NTN1: variants seen among roughly 807,000 people sequenced by gnomAD.
NTN1 encodes netrin 1, also known as netrin-1.
In NTN1, 11 loss-of-function variants were observed where a neutral mutation model predicts 54.2. The ratio of observed to expected loss-of-function variants is 0.20; its 90% CI spans 0.13 to 0.34. The LOEUF is 0.34. Among genes scored for constraint, NTN1 ranks in the 10% least tolerant of loss-of-function variants. The probability of loss-of-function intolerance (pLI) is 1.00; values close to 1 mark genes in which losing one functional copy is unlikely to be tolerated. For synonymous variants in NTN1, 371 were observed against 382.0 expected (o/e 0.97, Z 0.33); for missense variants, 740 against 893.1 (o/e 0.83, Z 2.18).
chr17:9,103,786 A>G (rs953524430), intron 2 of NTN1, among the ~76,000 whole-genome samples: 2 of 152,048 alleles, frequency 1.3e-5, no homozygotes, highest in African/African-American at 2.4e-5. Context: ...AAAGCTAGAC[A>G]CAAAAGAACA....
At chr17:9,084,742 C>T (rs994873720) in intron 2 of NTN1, among the ~76,000 whole-genome samples, 1 of 150,078 alleles carries the variant, frequency 6.7e-6, no homozygotes, top group South Asian at 2.1e-4. Flanking sequence ...ACCTCCGCCT[C>T]CTGGGTTCAA....
At chr17:9,118,444 G>A (rs916768934) in intron 2 of NTN1, among the ~76,000 whole-genome samples, 6 of 152,284 alleles carry the variant, frequency 3.9e-5, no homozygotes, top group African/African-American at 1.4e-4. Flanking sequence ...CTTGAACCCA[G>A]GAGTTTGCAG....
At chr17:9,086,497 A>G (rs958067479) in intron 2 of NTN1, among the ~76,000 whole-genome samples, 1 of 152,188 alleles carries the variant, frequency 6.6e-6, no homozygotes, top group Non-Finnish European at 1.5e-5. Flanking sequence ...GGGAATGTAC[A>G]CCAGCAATTA....
At chr17:9,013,216 CTTTTTT>C in the NTN1 span, among the ~76,000 whole-genome samples, 49 of 118,728 alleles carry the variant, frequency 4.1e-4, no homozygotes, top group African/African-American at 1.2e-3. Context: ...TTTTCTTTTT[CTTTTTT>C]TTTTTTTTTT....
chr17:9,101,568 A>G (rs2092150371), intron 2 of NTN1, among the ~76,000 whole-genome samples: 1 of 152,242 alleles, frequency 6.6e-6, no homozygotes, highest in South Asian at 2.1e-4. Flanking sequence ...AGCTGAGACT[A>G]ATCCAGTCCA....
intron 5 of NTN1, among the ~76,000 whole-genome samples, chr17:9,209,712 G>T (rs998406541): frequency 2.0e-5 from 3 of 152,206 alleles, no homozygotes; most frequent in Admixed American, 6.5e-5. Context: ...CCAGCTTGGT[G>T]CAGGAAGAGG....
At chr17:9,025,094 T>G (rs1473664) in intron 2 of NTN1, among the ~76,000 whole-genome samples, 110,804 of 152,144 alleles carry the variant, frequency 0.73, 40,570 homozygotes, top group East Asian at 0.79. Flanking sequence ...CTTGTCACCA[T>G]CAGGGTCTAA....
At chr17:9,120,485 C>T (rs1007207961) in intron 2 of NTN1, among the ~76,000 whole-genome samples, 3 of 152,190 alleles carry the variant, frequency 2.0e-5, no homozygotes, top group Non-Finnish European at 2.9e-5. Context: ...TTCAAATAGT[C>T]CCCTACTTGG....
At chr17:9,091,542 C>G (rs1471012978) in intron 2 of NTN1, among the ~76,000 whole-genome samples, 2 of 151,366 alleles carry the variant, frequency 1.3e-5, no homozygotes, top group African/African-American at 4.9e-5. Flanking sequence ...CAACATTTGC[C>G]TCACGGGTTC....
At chr17:9,192,816 C>A (rs919063438) in intron 5 of NTN1, among the ~76,000 whole-genome samples, 6 of 152,180 alleles carry the variant, frequency 3.9e-5, no homozygotes, top group African/African-American at 1.4e-4. Flanking sequence ...CGCGGTGGCT[C>A]ACGCCTGTAA....
intron 2 of NTN1, among the ~76,000 whole-genome samples, chr17:9,034,764 T>C (rs1190576379): frequency 6.6e-6 from 1 of 151,922 alleles, no homozygotes; most frequent in Non-Finnish European, 1.5e-5. Context: ...GTGTAACACA[T>C]GTAGAGAAAA....
intron 2 of NTN1, among the ~76,000 whole-genome samples, chr17:9,038,819 A>T (rs574120235): frequency 6.6e-6 from 1 of 151,846 alleles, no homozygotes; most frequent in African/African-American, 2.4e-5. Flanking sequence ...CTTACATTTC[A>T]TCTAGTATTT....
At chr17:9,180,052 TTTGG>T in intron 4 of NTN1, 96 bp downstream of exon 4, 1 of 1,404,438 alleles carries the variant, frequency 7.1e-7, no homozygotes, top group Non-Finnish European at 9.5e-7. Flanking sequence ...GGGTTCCTTT[TTTGG>T]TTGGTTGAGT....
intron 6 of NTN1, among the ~76,000 whole-genome samples, chr17:9,231,875 C>T (rs1011333163): frequency 3.3e-5 from 5 of 152,204 alleles, no homozygotes; most frequent in African/African-American, 4.8e-5. Context: ...AGAGGCTGGG[C>T]CCCCATTGCT....
At chr17:9,222,772 T>C (rs1905403713) in intron 6 of NTN1, among the ~76,000 whole-genome samples, 1 of 152,206 alleles carries the variant, frequency 6.6e-6, no homozygotes, top group Non-Finnish European at 1.5e-5. Context: ...TGAACAAGGC[T>C]TTCTTCTTTA....
chr17:9,228,433 C>T (rs1905673787), intron 6 of NTN1, among the ~76,000 whole-genome samples: 1 of 152,148 alleles, frequency 6.6e-6, no homozygotes, highest in Non-Finnish European at 1.5e-5. Context: ...GTGCCGAAGC[C>T]ACTCTGACCC....
At chr17:9,100,482 T>C (rs890096335) in intron 2 of NTN1, among the ~76,000 whole-genome samples, 9 of 151,852 alleles carry the variant, frequency 5.9e-5, no homozygotes, top group East Asian at 1.9e-4. Flanking sequence ...CTTTTTTTTT[T>C]AGTCGAGACG....
chr17:9,115,684 G>A (rs1567714081), intron 2 of NTN1, among the ~76,000 whole-genome samples: 2 of 152,268 alleles, frequency 1.3e-5, no homozygotes, highest in Non-Finnish European at 2.9e-5. Context: ...CCCCCCCGGG[G>A]CGGGGACAAA....
At chr17:9,050,264 T>A (rs1041472902) in intron 2 of NTN1, among the ~76,000 whole-genome samples, 7 of 148,292 alleles carry the variant, frequency 4.7e-5, no homozygotes, top group East Asian at 4.0e-4. Flanking sequence ...TAAAAAAAAA[T>A]AAAAATAAAA....
Sources: gnomAD v4.1 joint callset for allele counts (sites outside exome capture counted in the v4.1 genomes callset) on GRCh38, gnomAD v4.1.1 for gene constraint, MANE v1.5 for transcripts, NCBI Gene and HGNC (gene_info 2026-07-23, HGNC 2026-07-21) for gene names.